Variants in PHF3 observed in about 807,000 individuals in gnomAD.
PHF3 encodes the protein PHD finger protein 3.
PHF3 carries 41 observed loss-of-function variants against 178.4 expected under a neutral mutation model. That is an observed-to-expected ratio of 0.23 (90% CI 0.18 to 0.30). PHF3 has a LOEUF of 0.30. Ranked by LOEUF, PHF3 falls within the 10% of genes least tolerant of loss-of-function variation. The probability of loss-of-function intolerance (pLI) is 1.00; values close to 1 mark genes in which losing one functional copy is unlikely to be tolerated. For missense variants in PHF3, 2,346 were observed against 2,398.1 expected (o/e 0.98, Z 0.45); for synonymous variants, 842 against 800.5 (o/e 1.05, Z -0.88).
Position 63,646,806 on chromosome 6 carries a change from C to CT in PHF3, c.244+33dup, listed in dbSNP as rs11285703. ...TGCCTTGTTCAACAGGTAATTCTTA[C>CT]TTTTTTTTTTTTTTTTTTTTTTAGT... On this transcript the variant is annotated intron_variant, in intron 2 of 15. Transcript: ENST00000262043. 30,529 of 1,003,966 alleles carry CT rather than the reference C, an allele frequency of 0.03. 12 individuals carry two copies. The highest frequency in any genetic ancestry group is 0.032 in the Non-Finnish European group (26,135 of 822,078). The allele number at this position is 1,003,966 out of a possible 1,614,324, so 62.2% of individuals were successfully genotyped here. A position where few individuals can be genotyped will look rare whatever the true frequency, so the allele number is the denominator to read the frequency against.
In PHF3 at chr6:63,635,803, G is replaced by C. The variant is rs1453206235; in HGVS notation, c.-373G>C. On this transcript the variant is annotated 5_prime_UTR_variant, in exon 1 of 16. Transcript: ENST00000262043. ...GCCGCGGCCCCCGGAACGGTAAACA[G>C]TGGGGTCACGTGACACGGCCCCTCT... 1 of 393,534 alleles carries C rather than the reference G, an allele frequency of 2.5e-6. No individual in the cohort carries two copies. Among genetic ancestry groups the C allele is most frequent in the East Asian group, 3.6e-5 (1 of 27,806 alleles). 24.4% of individuals were successfully genotyped at this position (393,534 alleles called of 1,614,324 possible).
intron 2 of PHF3, among the ~76,000 whole-genome samples, chr6:63,649,982 C>G (rs1254077481): frequency 6.6e-6 from 1 of 152,176 alleles, no homozygotes; most frequent in Non-Finnish European, 1.5e-5. Context: ...TCTCATTTTA[C>G]AAACAAATGT....
At chr6:63,641,297 C>G (rs1034918400) in intron 1 of PHF3, among the ~76,000 whole-genome samples, 18 of 152,110 alleles carry the variant, frequency 1.2e-4, no homozygotes, top group Non-Finnish European at 2.5e-4. Flanking sequence ...GCTGTGAGGC[C>G]TTCACTTACT....
chr6:63,697,133 A>G (rs992013698), intron 6 of PHF3, among the ~76,000 whole-genome samples: 3 of 152,166 alleles, frequency 2.0e-5, no homozygotes, highest in African/African-American at 7.2e-5. Flanking sequence ...TCGGGAAGAC[A>G]AGAGGGGATG....
At chr6:63,689,670 A>G (rs1766909255) in intron 4 of PHF3, among the ~76,000 whole-genome samples, 1 of 152,168 alleles carries the variant, frequency 6.6e-6, no homozygotes, top group Non-Finnish European at 1.5e-5. Context: ...TTTGAATGAG[A>G]CATTTCCAAC....
rs201910050 is a variant in PHF3 at position 63,711,699 on chromosome 6, G to A, written c.4111G>A (p.Ala1371Thr). The change falls in exon 16 of 16, where the codon GCA becomes ACA. Residue 1371 changes from alanine (A) to threonine (T), a missense_variant. Physicochemically the swap from Ala to Thr is moderately conservative, Grantham distance 58 (BLOSUM62 0). Around this residue, in one of 8 missense-constraint regions of PHF3, gnomAD observed 839 missense variants for 806.9 expected, o/e 1.04. Coordinates refer to ENST00000262043, the MANE Select transcript of PHF3 (RefSeq NM_001370348.2). ...TSHIAETPES[A>T]PPIALPPDKK... is the part of the protein sequence containing the mutation. ...TCATATAGCTGAGACTCCTGAAAGT[G>A]CACCACCAATAGCATTGCCACCTGA... 9.9e-5 allele frequency: 160 copies of A among 1,613,854 alleles called. No individual in the cohort carries two copies. Among genetic ancestry groups the A allele is most frequent in the African/African-American group, 6.7e-5 (5 of 74,914 alleles).
intron 14 of PHF3, 79 bp from the exon 15 acceptor site, chr6:63,711,088 C>T: frequency 1.0e-6 from 1 of 959,610 alleles, no homozygotes; most frequent in East Asian, 2.7e-5. Context: ...TAGATTATTA[C>T]TAATTGAGAA....
chr6:63,706,891 T>C lies in PHF3; in HGVS notation c.3711+15T>C, dbSNP rs201136440. On this transcript the variant is annotated intron_variant, in intron 13 of 15. Transcript: ENST00000262043. ...ACCTGACAGAGGTACTGTGAACTTT[T>C]CTGCTTTTCTGTGCATGAATTGATA... is the stretch of plus-strand genomic sequence containing the variant. 1.1e-3 allele frequency: 1,806 copies of C among 1,611,190 alleles called. 3 individuals carry two copies. The highest frequency in any genetic ancestry group is 1.4e-3 in the Non-Finnish European group (1,649 of 1,178,550).
intron 10 of PHF3, among the ~76,000 whole-genome samples, chr6:63,703,003 A>G (rs1767539797): frequency 6.6e-6 from 1 of 152,156 alleles, no homozygotes. Context: ...TCAGCCTCCC[A>G]AGTAGTTGGG....
At position 63,685,832 on chromosome 6, in the gene PHF3, C is replaced by T. The variant is rs541323709; in HGVS notation, c.2110C>T (p.His704Tyr). 1.9e-6 allele frequency: 3 copies of T among 1,613,658 alleles called. No homozygotes were observed. In the African/African-American group the frequency reaches 4.0e-5, roughly 22 times the overall value. The stretch of plus-strand genomic sequence containing the variant: ...TACCATAAGAAGAGAAGGCTCTGAT[C>T]ATAGCTCCTCATTTGAAAGCAAATA... ...IATIRREGSD[H>Y]SSSFESKYMW... The change falls in exon 4 of 16, where the codon CAT (histidine) becomes TAT (tyrosine). Residue 704 changes from histidine (H) to tyrosine (Y), a missense_variant. This residue lies in a region of PHF3 where 72 missense variants were observed against 110.5 expected (regional missense o/e 0.65). Transcript: ENST00000262043.
At chr6:63,688,156 A>C (rs1372121555) in intron 4 of PHF3, among the ~76,000 whole-genome samples, 1 of 128,790 alleles carries the variant, frequency 7.8e-6, no homozygotes, top group East Asian at 2.3e-4. Context: ...ACTCCACTTC[A>C]GCCTGGGTGA....
rs139412233 is a variant in PHF3, at chr6:63,688,704, T to G, written c.2189+2793T>G. Among the ~76,000 whole-genome samples, 963 of 152,272 alleles carry G rather than the reference T, an allele frequency of 6.3e-3. 9 individuals carry two copies. The highest frequency in any genetic ancestry group is 0.022 in the African/African-American group (900 of 41,564). ...TTCTACTACTTTGATACATTGTGCT[T>G]GTATACATTTCGTTTACTCAGAAAA... On this transcript the variant is annotated intron_variant, in intron 4 of 15. Transcript: ENST00000262043.
chr6:63,725,680 G>A lies in PHF3; in HGVS notation c.*11972G>A, dbSNP rs901639339. 6.6e-6 allele frequency among the ~76,000 whole-genome samples: 1 copy of A among 151,948 alleles called. No individual in the cohort carries two copies. The highest frequency in any genetic ancestry group is 1.5e-5 in the Non-Finnish European group (1 of 67,926). ...TGAGGGTATTTCAGAAGTGCATTGA[G>A]GTGGAACCACTTTGGTCGAATTCCC... On this transcript the variant is annotated 3_prime_UTR_variant, in exon 16 of 16. Coordinates refer to ENST00000262043, the MANE Select transcript of PHF3 (RefSeq NM_001370348.2).
rs775465820 is a variant in PHF3 at position 63,698,366 on chromosome 6, A to G, written c.2824A>G (p.Arg942Gly). 1 of 1,604,302 alleles carries G rather than the reference A, an allele frequency of 6.2e-7. No homozygotes were observed. Residue 942 changes from arginine (R) to glycine (G), a missense_variant and splice_region_variant, in exon 7 of 16, where the codon AGA (arginine) becomes GGA (glycine). Transcript: ENST00000262043. The part of the protein sequence containing the change: ...RHSLKDILMK[R>G]LTDSNLKVPE... ...TTCTCTCAAAGACATTCTTATGAAG[A>G]GGTAACATATATTTTTATTATAGAA... is the stretch of plus-strand genomic sequence containing the variant.
At chr6:63,653,597 A>G (rs1765112050) in intron 2 of PHF3, among the ~76,000 whole-genome samples, 2 of 151,952 alleles carry the variant, frequency 1.3e-5, no homozygotes, top group South Asian at 4.2e-4. Context: ...GTACAGTTTG[A>G]CTTCTTCCTT....
chr6:63,687,377 T>C (rs867516574), intron 4 of PHF3, among the ~76,000 whole-genome samples: 28 of 152,242 alleles, frequency 1.8e-4, no homozygotes, highest in African/African-American at 6.5e-4. Context: ...TGAGCCGACA[T>C]TGAGCCACTG....
chr6:63,671,749 G>T (rs1765925837), intron 2 of PHF3, among the ~76,000 whole-genome samples: 1 of 152,024 alleles, frequency 6.6e-6, no homozygotes, highest in African/African-American at 2.4e-5. Context: ...CAGTTGTTTT[G>T]TTTTGTTTTG....
At chr6:63,690,338 A>G (rs951775827) in intron 4 of PHF3, among the ~76,000 whole-genome samples, 1 of 152,148 alleles carries the variant, frequency 6.6e-6, no homozygotes, top group Non-Finnish European at 1.5e-5. Flanking sequence ...TAAGTTATAG[A>G]TGTGATGAAG....
chr6:63,644,448 C>T (rs868774932), intron 1 of PHF3, among the ~76,000 whole-genome samples: 30 of 151,942 alleles, frequency 2.0e-4, no homozygotes, highest in African/African-American at 6.8e-4. Flanking sequence ...GTATGATAAT[C>T]GAGACTTTCT....
Sources: gnomAD v4.1 joint callset for allele counts (sites outside exome capture counted in the v4.1 genomes callset) on GRCh38, gnomAD v4.1.1 for gene constraint, gnomAD v4.1.1 regional missense constraint, MANE v1.5 for transcripts, NCBI Gene and HGNC (gene_info 2026-07-23, HGNC 2026-07-21) for gene names.